ASTN1: variants seen among roughly 807,000 people sequenced by gnomAD.
ASTN1 encodes the protein astrotactin-1.
Under a neutral mutation model 140.7 loss-of-function variants are expected in ASTN1, and 41 were observed. The observed-to-expected ratio is 0.29, with a 90% confidence interval of 0.23 to 0.38. The LOEUF (loss-of-function observed/expected upper bound fraction) is 0.38. ASTN1 is among the 10% of genes least tolerant of loss of function. ASTN1 has a pLI of 1.00. For synonymous variants in ASTN1, 640 were observed against 652.2 expected (o/e 0.98, Z 0.29); for missense variants, 1,479 against 1,678.8 (o/e 0.88, Z 2.08).
chr1:176,955,728 A>T (rs1478685938), intron 11 of ASTN1, among the ~76,000 whole-genome samples: 1 of 152,198 alleles, frequency 6.6e-6, no homozygotes, highest in South Asian at 2.1e-4. Context: ...AGGATCACCA[A>T]CAGAAGGCAT....
At chr1:177,106,784 CA>C (rs1395593740) in intron 1 of ASTN1, among the ~76,000 whole-genome samples, 2 of 152,162 alleles carry the variant, frequency 1.3e-5, no homozygotes, top group Non-Finnish European at 2.9e-5. Flanking sequence ...CAAATGATAG[CA>C]ACAGTGAGGC....
At chr1:177,081,920 G>A (rs1213614003) in intron 1 of ASTN1, among the ~76,000 whole-genome samples, 1 of 152,138 alleles carries the variant, frequency 6.6e-6, no homozygotes, top group Non-Finnish European at 1.5e-5. Flanking sequence ...GGAGGAATTA[G>A]CAGAGTAAGT....
intron 5 of ASTN1, chr1:177,029,258 G>T: frequency 2.1e-6 from 1 of 465,968 alleles, no homozygotes; most frequent in Non-Finnish European, 4.4e-6. Context: ...TGTGGTAGAG[G>T]AAGCAGGGGT....
intron 1 of ASTN1, among the ~76,000 whole-genome samples, chr1:177,148,550 G>T (rs1271879930): frequency 6.6e-6 from 1 of 151,950 alleles, no homozygotes; most frequent in Non-Finnish European, 1.5e-5. Flanking sequence ...CAGGTTCTAA[G>T]AGTCAAAATA....
chr1:177,114,203 T>C (rs1256753414), intron 1 of ASTN1, among the ~76,000 whole-genome samples: 1 of 152,182 alleles, frequency 6.6e-6, no homozygotes, highest in Non-Finnish European at 1.5e-5. Context: ...TTATTAAACC[T>C]CCATTTCCTT....
intron 1 of ASTN1, among the ~76,000 whole-genome samples, chr1:177,065,674 G>T (rs528002793): frequency 6.6e-6 from 1 of 152,192 alleles, no homozygotes; most frequent in South Asian, 2.1e-4. Flanking sequence ...TAAGCTGCAG[G>T]GGGGATGAGG....
chr1:176,924,947 C>T (rs1025252975), intron 16 of ASTN1, among the ~76,000 whole-genome samples: 6 of 152,126 alleles, frequency 3.9e-5, no homozygotes, highest in African/African-American at 9.7e-5. Flanking sequence ...ACAGAGCTTT[C>T]CTGAGATAGT....
intron 4 of ASTN1, 138 bp from the exon 5 acceptor site, chr1:177,029,879 G>C (rs1383599719): frequency 1.3e-6 from 1 of 799,278 alleles, no homozygotes. Flanking sequence ...AGCCAAGGGG[G>C]TTGGGGCTTC....
At chr1:176,883,735 C>T (rs1295977361) in intron 19 of ASTN1, among the ~76,000 whole-genome samples, 1 of 152,190 alleles carries the variant, frequency 6.6e-6, no homozygotes, top group East Asian at 1.9e-4. Context: ...GACCACATCC[C>T]ATGCATAAGT....
At chr1:177,102,442 C>T (rs1680345152) in intron 1 of ASTN1, among the ~76,000 whole-genome samples, 1 of 152,120 alleles carries the variant, frequency 6.6e-6, no homozygotes, top group Non-Finnish European at 1.5e-5. Flanking sequence ...CATCACACAC[C>T]TTCCTACTGA....
chr1:177,095,877 G>C (rs1008032793), intron 1 of ASTN1, among the ~76,000 whole-genome samples: 2 of 152,196 alleles, frequency 1.3e-5, no homozygotes, highest in Non-Finnish European at 2.9e-5. Context: ...CAGGAGAGCT[G>C]CCTCATCAGC....
intron 8 of ASTN1, among the ~76,000 whole-genome samples, chr1:177,007,361 A>G (rs1353769612): frequency 6.6e-6 from 1 of 152,178 alleles, no homozygotes. Context: ...ATTGCACTCC[A>G]GCCTGGGCAA....
chr1:176,934,284 C>T lies in ASTN1; in HGVS notation c.2539G>A (p.Ala847Thr), dbSNP rs374641554. The T allele has an allele frequency of 6.6e-5, 107 of 1,613,950 alleles. No homozygotes were observed. The highest frequency in any genetic ancestry group is 4.9e-4 in the Middle Eastern group (3 of 6,062). Residue 847 changes from alanine to threonine, a missense_variant, in exon 16 of 23, where the codon GCG becomes ACG. By Grantham distance (58) the Ala-to-Thr change is moderately conservative (BLOSUM62 0). Coordinates refer to ENST00000361833, the MANE Select transcript of ASTN1 (RefSeq NM_004319.3). ...TGGTTGCCGAACTGGTCCAACAGCG[C>T]CACAAAATCTGCACGAGATGTAGCC... Reference protein sequence around the residue: ...DGATSRADFVALLDQFGNHYI... With the variant: ...DGATSRADFVTLLDQFGNHYI...
chr1:176,959,705 G>T (rs1390006074), intron 9 of ASTN1, among the ~76,000 whole-genome samples: 1 of 152,164 alleles, frequency 6.6e-6, no homozygotes, highest in Non-Finnish European at 1.5e-5. Context: ...ATTTCCAGGG[G>T]CCAGGCAGAG....
At chr1:177,017,447 A>G (rs1017764370) in intron 7 of ASTN1, among the ~76,000 whole-genome samples, 2 of 152,252 alleles carry the variant, frequency 1.3e-5, no homozygotes, top group African/African-American at 4.8e-5. Context: ...TGATGGGGGA[A>G]GTTGCTATGG....
chr1:177,136,295 T>C (rs1050754681), intron 1 of ASTN1, among the ~76,000 whole-genome samples: 1 of 152,162 alleles, frequency 6.6e-6, no homozygotes, highest in African/African-American at 2.4e-5. Context: ...AGTCTCTACA[T>C]GTTTCAAAGT....
At chr1:176,879,439 C>T (rs1319344788) in intron 20 of ASTN1, among the ~76,000 whole-genome samples, 2 of 152,192 alleles carry the variant, frequency 1.3e-5, no homozygotes, top group Admixed American at 6.5e-5. Context: ...GGCTGCATTC[C>T]AGCCACCTTT....
intron 1 of ASTN1, among the ~76,000 whole-genome samples, chr1:177,090,855 T>G (rs1456812826): frequency 6.6e-6 from 1 of 152,048 alleles, no homozygotes; most frequent in Non-Finnish European, 1.5e-5. Context: ...ATAAAACTAG[T>G]TCATTCCGTT....
chr1:177,150,726 C>A (rs1682996051), intron 1 of ASTN1, among the ~76,000 whole-genome samples: 1 of 152,006 alleles, frequency 6.6e-6, no homozygotes, highest in East Asian at 1.9e-4. Context: ...GGCGGAGTTG[C>A]AGGAGTCAAG....
Sources: allele counts gnomAD v4.1 joint callset (sites outside exome capture counted in the v4.1 genomes callset), GRCh38; gene constraint gnomAD v4.1.1; transcripts MANE v1.5; gene names NCBI Gene and HGNC (gene_info 2026-07-23, HGNC 2026-07-21).